The following CSNK1G1 variants were observed in gnomAD, a reference collection of about 807,000 sequenced individuals.
CSNK1G1 encodes casein kinase I isoform gamma-1.
Under a neutral mutation model 59.6 loss-of-function variants are expected in CSNK1G1, and 22 were observed. The observed-to-expected ratio is 0.37, with a 90% CI of 0.26 to 0.53. The LOEUF is 0.53. Among genes scored for constraint, CSNK1G1 ranks in the 20% least tolerant of loss-of-function variants. The probability of loss-of-function intolerance (pLI) is 0.89; values close to 1 mark genes in which losing one functional copy is unlikely to be tolerated. For synonymous variants in CSNK1G1, 179 were observed against 177.1 expected (o/e 1.01, Z -0.08); for missense variants, 384 against 519.5 (o/e 0.74, Z 2.54).
At chr15:64,352,975 G>A (rs994156383) in intron 1 of CSNK1G1, among the ~76,000 whole-genome samples, 1 of 151,958 alleles carries the variant, frequency 6.6e-6, no homozygotes, top group African/African-American at 2.4e-5. Flanking sequence ...TGTAGTTCCA[G>A]CTACTCAGGA....
At chr15:64,289,524 T>C (rs572013543) in intron 2 of CSNK1G1, among the ~76,000 whole-genome samples, 1 of 152,190 alleles carries the variant, frequency 6.6e-6, no homozygotes, top group African/African-American at 2.4e-5. Context: ...GAATCTCATA[T>C]ACATTTGATA....
intron 2 of CSNK1G1, among the ~76,000 whole-genome samples, chr15:64,281,413 C>T (rs1261412339): frequency 6.6e-6 from 1 of 151,902 alleles, no homozygotes; most frequent in Non-Finnish European, 1.5e-5. Flanking sequence ...CCAGACCAGT[C>T]TGAGCAACAT....
rs570078684 is a variant in CSNK1G1, at chr15:64,325,251, G to C, written c.-224-24528C>G. Among the ~76,000 whole-genome samples the C allele has an allele frequency of 2.0e-5, 3 of 152,296 alleles. No individual in the cohort carries two copies. The South Asian group carries it at 6.2e-4, about 32-fold the overall frequency. ...GATATTTTACCTTCACTGGGATATA[G>C]CTACAGTTACATTATCTCACTCATA... On this transcript the variant is annotated intron_variant, in intron 1 of 11. Transcript: ENST00000303052.
intron 11 of CSNK1G1, among the ~76,000 whole-genome samples, chr15:64,177,666 A>G (rs1246664074): frequency 2.6e-5 from 4 of 152,228 alleles, no homozygotes; most frequent in Non-Finnish European, 4.4e-5. Flanking sequence ...GTTAGATTAT[A>G]CCAATACAGA....
At position 64,176,620 on chromosome 15, in the gene CSNK1G1, C is replaced by T. The variant is rs2081744973; in HGVS notation, c.1214+3728G>A. ...GGCAGCAGGGGAAAGAGCAAATGAC[C>T]CTGCCTGTAAGAACTCAATCAAGCA... On this transcript the variant is annotated intron_variant, in intron 11 of 11. Coordinates refer to ENST00000303052, the MANE Select transcript of CSNK1G1 (RefSeq NM_022048.5). The surrounding 1 kb of genome is among the most constrained non-coding windows in gnomAD (Gnocchi z 5.2). Among the ~76,000 whole-genome samples, 1 of 152,246 alleles carries T rather than the reference C, an allele frequency of 6.6e-6. No homozygotes were observed. Among genetic ancestry groups the T allele is most frequent in the Non-Finnish European group, 1.5e-5 (1 of 68,014 alleles).
intron 4 of CSNK1G1, among the ~76,000 whole-genome samples, chr15:64,218,045 C>T (rs560845755): frequency 4.0e-5 from 6 of 151,704 alleles, no homozygotes; most frequent in Admixed American, 3.9e-4. Context: ...CCCGGACTAA[C>T]GCGATCTTCC....
intron 1 of CSNK1G1, among the ~76,000 whole-genome samples, chr15:64,352,845 T>C (rs140335634): frequency 6.6e-6 from 1 of 152,086 alleles, no homozygotes; most frequent in Admixed American, 6.5e-5. Context: ...TCCCAGCACT[T>C]TGGGAGGCCA....
At chr15:64,230,640 C>T (rs1004529285) in intron 4 of CSNK1G1, among the ~76,000 whole-genome samples, 1 of 152,098 alleles carries the variant, frequency 6.6e-6, no homozygotes, top group Non-Finnish European at 1.5e-5. Context: ...GCACGACAGT[C>T]CCCATTACTT....
intron 1 of CSNK1G1, among the ~76,000 whole-genome samples, chr15:64,307,972 C>T (rs1361139430): frequency 6.6e-6 from 1 of 152,074 alleles, no homozygotes; most frequent in Non-Finnish European, 1.5e-5. Flanking sequence ...AGGCGTGAAC[C>T]ACCGCGCCCT....
intron 1 of CSNK1G1, among the ~76,000 whole-genome samples, chr15:64,323,593 G>A (rs1390086190): frequency 6.6e-6 from 1 of 152,042 alleles, no homozygotes; most frequent in Non-Finnish European, 1.5e-5. Context: ...TCAAACTCCT[G>A]ACCTCAGGTG....
intron 2 of CSNK1G1, among the ~76,000 whole-genome samples, chr15:64,272,309 G>A (rs1422087584): frequency 2.6e-5 from 4 of 151,410 alleles, no homozygotes; most frequent in African/African-American, 9.7e-5. Flanking sequence ...TCTGCCTCCT[G>A]GGTTCATGCC....
chr15:64,229,902 A>ATTTTTTTTTTTTTTTTTTTTTTTTTTT lies in CSNK1G1; in HGVS notation c.293-13216_293-13190dup, dbSNP rs533868270. 2.5e-4 allele frequency among the ~76,000 whole-genome samples: 11 copies of ATTTTTTTTTTTTTTTTTTTTTTTTTTT among 43,804 alleles called. 3 individuals carry two copies. Among genetic ancestry groups the ATTTTTTTTTTTTTTTTTTTTTTTTTTT allele is most frequent in the Non-Finnish European group, 3.2e-4 (8 of 24,790 alleles). 28.7% of individuals were successfully genotyped at this position (43,804 alleles called of 152,430 possible). On this transcript the variant is annotated intron_variant, in intron 4 of 11. Coordinates refer to ENST00000303052, the MANE Select transcript of CSNK1G1 (RefSeq NM_022048.5). ...CCTATATTTTTGGGCATGTTTGTAA[A>ATTTTTTTTTTTTTTTTTTTTTTTTTTT]TTTTTTTTTTTTTTTTTTTTTTTTT...
At chr15:64,270,198 C>G (rs925616085) in intron 2 of CSNK1G1, among the ~76,000 whole-genome samples, 1 of 151,940 alleles carries the variant, frequency 6.6e-6, no homozygotes, top group African/African-American at 2.4e-5. Context: ...CTCTTTTATT[C>G]TTTATTAGTC....
intron 10 of CSNK1G1, among the ~76,000 whole-genome samples, chr15:64,198,288 C>G (rs2082062501): frequency 6.6e-6 from 1 of 150,932 alleles, no homozygotes; most frequent in Non-Finnish European, 1.5e-5. Context: ...ACTGCACAAC[C>G]TCCGCCTCCC....
intron 6 of CSNK1G1, 74 bp from the exon 7 acceptor site, chr15:64,207,668 C>T: frequency 9.2e-7 from 1 of 1,085,532 alleles, no homozygotes; most frequent in East Asian, 2.4e-5. Context: ...CAAGTAATCC[C>T]TTCAGAAACC....
intron 4 of CSNK1G1, among the ~76,000 whole-genome samples, chr15:64,226,419 G>A (rs528500653): frequency 5.3e-4 from 80 of 152,214 alleles, no homozygotes; most frequent in African/African-American, 1.9e-3. Context: ...TTAGCTGGGC[G>A]TGGTGGTGCA....
chr15:64,232,182 T>C (rs1022217581), intron 4 of CSNK1G1, among the ~76,000 whole-genome samples: 5 of 152,264 alleles, frequency 3.3e-5, no homozygotes, highest in Non-Finnish European at 5.9e-5. Context: ...CGTGCAGATC[T>C]GACAAACTCT....
At chr15:64,225,398 C>A (rs1440974548) in intron 4 of CSNK1G1, among the ~76,000 whole-genome samples, 1 of 152,102 alleles carries the variant, frequency 6.6e-6, no homozygotes, top group African/African-American at 2.4e-5. Flanking sequence ...CTCTCCGAAC[C>A]TCCCCTCCCC....
At chr15:64,351,071 T>C (rs192925535) in intron 1 of CSNK1G1, among the ~76,000 whole-genome samples, 79 of 152,298 alleles carry the variant, frequency 5.2e-4, no homozygotes, top group African/African-American at 1.8e-3. Flanking sequence ...TCTATCAATA[T>C]GTAGTACTAA....
Sources: gnomAD v4.1 joint callset for allele counts (sites outside exome capture counted in the v4.1 genomes callset) on GRCh38, gnomAD v4.1.1 for gene constraint, Gnocchi (gnomAD v3.1) non-coding constraint, MANE v1.5 for transcripts, NCBI Gene and HGNC (gene_info 2026-07-23, HGNC 2026-07-21) for gene names.